Variants in TBC1D16 observed in about 807,000 individuals in gnomAD.
The protein encoded by TBC1D16 is CTD-2529O21.1.
Under a neutral mutation model 74.7 loss-of-function variants are expected in TBC1D16, and 58 were observed. The ratio of observed to expected loss-of-function variants is 0.78; its 90% confidence interval spans 0.63 to 0.97. TBC1D16 has a LOEUF of 0.97. TBC1D16 is among the 50% of genes least tolerant of loss of function. The pLI is 0.00. For synonymous variants in TBC1D16, 493 were observed against 474.7 expected (o/e 1.04, Z -0.50); for missense variants, 1,014 against 1,079.5 (o/e 0.94, Z 0.85).
chr17:80,020,615 A>T (rs900129624), intron 1 of TBC1D16, among the ~76,000 whole-genome samples: 1 of 149,726 alleles, frequency 6.7e-6, no homozygotes, highest in African/African-American at 2.6e-5. Flanking sequence ...AATAAAAATT[A>T]TAAATGCCAA....
rs61481114 is a variant in TBC1D16, at chr17:79,961,325, C to T, written c.780-8507G>A. Among the ~76,000 whole-genome samples, 16,228 of 152,210 alleles carry T rather than the reference C, an allele frequency of 0.11. 907 individuals are homozygous for T. Among genetic ancestry groups the T allele is most frequent in the African/African-American group, 0.13 (5,327 of 41,538 alleles). The stretch of plus-strand genomic sequence containing the variant: ...TCCTACTCACCTATTAGAATGGCTA[C>T]AGTGGACAAGACTGATCATAGCAAG... On this transcript the variant is annotated intron_variant, in intron 3 of 11. Transcript: ENST00000310924. The surrounding 1 kb of genome is among the most constrained non-coding windows in gnomAD (Gnocchi z 4.8).
At chr17:79,991,365 G>A (rs1210163598) in intron 3 of TBC1D16, among the ~76,000 whole-genome samples, 1 of 151,942 alleles carries the variant, frequency 6.6e-6, no homozygotes, top group East Asian at 2.0e-4. Flanking sequence ...TGAGGCTGAC[G>A]CGAGGTGGGG....
intron 3 of TBC1D16, among the ~76,000 whole-genome samples, chr17:79,992,642 G>A (rs555608577): frequency 7.9e-5 from 12 of 152,314 alleles, no homozygotes; most frequent in Admixed American, 5.9e-4. Flanking sequence ...CCCGGTTTTC[G>A]GGGTCCCAGG....
In TBC1D16 at chr17:79,987,652, G is replaced by A. The variant is rs1447825043; in HGVS notation, c.779+22508C>T. ...TGGGGGTAGGGAATGTCCCCATGAA[G>A]GTAGCCCCTGGCTGGGCATTTTCCA... is the stretch of plus-strand genomic sequence containing the variant. On this transcript the variant is annotated intron_variant, in intron 3 of 11. Coordinates refer to ENST00000310924, the MANE Select transcript of TBC1D16 (RefSeq NM_019020.4). This position sits in a 1 kb window ranked among gnomAD's most constrained non-coding sequence, Gnocchi z 5.2. Among the ~76,000 whole-genome samples, 1 of 152,124 alleles carries A rather than the reference G, an allele frequency of 6.6e-6. No individual in the cohort carries two copies. Among genetic ancestry groups the A allele is most frequent in the Non-Finnish European group, 1.5e-5 (1 of 68,020 alleles).
At chr17:79,960,261 TA>T (rs1243603667) in intron 3 of TBC1D16, among the ~76,000 whole-genome samples, 2 of 151,966 alleles carry the variant, frequency 1.3e-5, no homozygotes, top group Non-Finnish European at 2.9e-5. Context: ...CTCAAAACAG[TA>T]ATAAGAAAAC....
chr17:80,026,564 G>A (rs1270922349), intron 1 of TBC1D16, among the ~76,000 whole-genome samples: 3 of 150,080 alleles, frequency 2.0e-5, no homozygotes, highest in Non-Finnish European at 4.4e-5. Context: ...GACCAATGCC[G>A]AGAACAGGCA....
intron 3 of TBC1D16, among the ~76,000 whole-genome samples, chr17:79,984,625 G>GAAGGAAGGAAGT (rs2034750875): frequency 7.0e-6 from 1 of 142,692 alleles, no homozygotes; most frequent in Non-Finnish European, 1.5e-5. Context: ...GGGAGTGAAG[G>GAAGGAAGGAAGT]AAGGAAGGAA....
chr17:79,949,348 C>A (rs74001793), intron 7 of TBC1D16, among the ~76,000 whole-genome samples: 1,658 of 152,334 alleles, frequency 0.011, 30 homozygotes, highest in African/African-American at 0.038. Flanking sequence ...GGAGAGAGAG[C>A]TGAGCCCAGT....
intron 3 of TBC1D16, among the ~76,000 whole-genome samples, chr17:79,974,752 G>C (rs2034258029): frequency 6.6e-6 from 1 of 152,182 alleles, no homozygotes; most frequent in Non-Finnish European, 1.5e-5. Context: ...ACACAGTAGG[G>C]CTAGCTAACC....
Position 79,951,566 on chromosome 17 carries a change from C to A in TBC1D16, c.973G>T (p.Val325Phe), listed in dbSNP as rs770436422. Residue 325 changes from valine to phenylalanine, a missense_variant, in exon 5 of 12, where the codon GTT (valine) becomes TTT (phenylalanine). Coordinates refer to ENST00000310924, the MANE Select transcript of TBC1D16 (RefSeq NM_019020.4). ...TTGTACTGGCTCTCTCGGCTGGCAA[C>A]GACCAGCTGGCCGCTGGTGCAGGCC... is the stretch of plus-strand genomic sequence containing the variant. ...DEACTSGQLVVASRESQYKVF... is the reference protein window; with the variant it reads ...DEACTSGQLVFASRESQYKVF... 6 of 1,613,746 alleles carry A rather than the reference C, an allele frequency of 3.7e-6. No homozygotes were observed. In the African/African-American group the frequency reaches 6.7e-5, roughly 18 times the overall value.
chr17:79,945,263 C>T lies in TBC1D16; in HGVS notation c.1729-176G>A, dbSNP rs79495338. On this transcript the variant is annotated intron_variant, in intron 9 of 11. Coordinates refer to ENST00000310924, the MANE Select transcript of TBC1D16 (RefSeq NM_019020.4). ...CAACGCTCCATTCCGCCGCTGGAAT[C>T]GGCTCACACCTGCCTCTGCCAGTTC... 3.3e-3 allele frequency among the ~76,000 whole-genome samples: 510 copies of T among 152,296 alleles called. 21 individuals carry two copies. In the East Asian group the frequency reaches 0.078, roughly 23 times the overall value.
In TBC1D16 at chr17:79,950,209, T is replaced by G. The variant is rs1275136131; in HGVS notation, c.1257+202A>C. ...AAACCCTCGAGGGAGGTGTTGTGTTTTGTTTTTTTTTTTCAACGCAGCAGC... is the reference window on the plus strand; with the variant it reads ...AAACCCTCGAGGGAGGTGTTGTGTTGTGTTTTTTTTTTTCAACGCAGCAGC... On this transcript the variant is annotated intron_variant, in intron 6 of 11. Transcript: ENST00000310924. The surrounding 1 kb of genome is among the most constrained non-coding windows in gnomAD (Gnocchi z 4.6). 1.3e-5 allele frequency among the ~76,000 whole-genome samples: 2 copies of G among 151,914 alleles called. No individual in the cohort carries two copies. The highest frequency in any genetic ancestry group is 2.9e-5 in the Non-Finnish European group (2 of 67,938).
In TBC1D16 at chr17:79,936,734, A is replaced by ACGGCCACCC; in HGVS notation, c.*4124_*4125insGGGTGGCCG. The ACGGCCACCC allele has an allele frequency of 6.6e-6, 1 of 152,160 alleles. No homozygotes were observed. Among genetic ancestry groups the ACGGCCACCC allele is most frequent in the East Asian group, 1.9e-4 (1 of 5,188 alleles). The allele number at this position is 152,160 out of a possible 1,614,324, so 9.4% of individuals were successfully genotyped here. Reference sequence around the variant, plus strand: ...GGACAGAATGCTTTCACACCCAGGAACGGCCGTGCAGCCTGGCTTAGAAAC... The same window carrying ACGGCCACCC: ...GGACAGAATGCTTTCACACCCAGGAACGGCCACCCCGGCCGTGCAGCCTGGCTTAGAAAC... On this transcript the variant is annotated 3_prime_UTR_variant, in exon 12 of 12. Coordinates refer to ENST00000310924, the MANE Select transcript of TBC1D16 (RefSeq NM_019020.4).
At chr17:80,004,980 CCTTT>C (rs1248318638) in intron 3 of TBC1D16, among the ~76,000 whole-genome samples, 1 of 152,240 alleles carries the variant, frequency 6.6e-6, no homozygotes, top group Non-Finnish European at 1.5e-5. Flanking sequence ...GCCACTTTGG[CCTTT>C]CTATCTGTAA....
chr17:79,940,856 G>C lies in TBC1D16; in HGVS notation c.*3C>G. 6.5e-7 allele frequency: 1 copy of C among 1,533,988 alleles called. No individual in the cohort carries two copies. The highest frequency in any genetic ancestry group is 8.8e-7 in the Non-Finnish European group (1 of 1,132,906). ...AACCCCTGTCCGGTGTCGGGGGCCC[G>C]ACCTATCTGCGGAAGCCGAAGCCGT... On this transcript the variant is annotated 3_prime_UTR_variant, in exon 12 of 12. Coordinates refer to ENST00000310924, the MANE Select transcript of TBC1D16 (RefSeq NM_019020.4). This position sits in a 1 kb window ranked among gnomAD's most constrained non-coding sequence, Gnocchi z 5.4.
rs1218791918 is a variant in TBC1D16 at position 79,994,990 on chromosome 17, T to C, written c.779+15170A>G. ...CACCTTTTTGTTTGTTTTCTTTTTG[T>C]TTTTTGACTTGTAAAAATGTAGCTA... is the stretch of plus-strand genomic sequence containing the variant. On this transcript the variant is annotated intron_variant, in intron 3 of 11. Transcript: ENST00000310924. This position sits in a 1 kb window ranked among gnomAD's most constrained non-coding sequence, Gnocchi z 4.6. 6.6e-6 allele frequency among the ~76,000 whole-genome samples: 1 copy of C among 152,234 alleles called. No homozygotes were observed. Among genetic ancestry groups the C allele is most frequent in the Admixed American group, 6.5e-5 (1 of 15,284 alleles).
chr17:80,029,054 A>C (rs1016059757), intron 1 of TBC1D16, among the ~76,000 whole-genome samples: 24 of 152,188 alleles, frequency 1.6e-4, no homozygotes, highest in Non-Finnish European at 2.9e-4. Flanking sequence ...CATAAAACAA[A>C]AAACTGTGCA....
chr17:80,032,467 A>G (rs901058370), intron 1 of TBC1D16, among the ~76,000 whole-genome samples: 1 of 152,208 alleles, frequency 6.6e-6, no homozygotes, highest in South Asian at 2.1e-4. Flanking sequence ...GAGGATGGTT[A>G]TGTAAGTTCC....
chr17:79,949,738 T>G lies in TBC1D16; in HGVS notation c.1385A>C (p.Tyr462Ser). Reference sequence around the variant, plus strand: ...TTACCTTTTCTGCTGGATCTCAGAGTACTCCTTTCGCTTCTGCAGCCGCAG... The same window carrying G: ...TTACCTTTTCTGCTGGATCTCAGAGGACTCCTTTCGCTTCTGCAGCCGCAG... ...EALRLQKRKEYSEIQQKRLSM... is the reference protein window; with the variant it reads ...EALRLQKRKESSEIQQKRLSM... Residue 462 changes from tyrosine to serine, a missense_variant, in exon 7 of 12, where the codon TAC (tyrosine) becomes TCC (serine). Tyr to Ser is a moderately radical substitution (Grantham distance 144). Transcript: ENST00000310924. 6.2e-7 allele frequency: 1 copy of G among 1,612,376 alleles called. No individual in the cohort carries two copies. The highest frequency in any genetic ancestry group is 8.5e-7 in the Non-Finnish European group (1 of 1,179,396).
Sources: allele counts gnomAD v4.1 joint callset (sites outside exome capture counted in the v4.1 genomes callset), GRCh38; gene constraint gnomAD v4.1.1; non-coding constraint Gnocchi (gnomAD v3.1); transcripts MANE v1.5; gene names NCBI Gene and HGNC (gene_info 2026-07-23, HGNC 2026-07-21).